Variants in MACF1 observed in about 807,000 individuals in gnomAD.
The protein encoded by MACF1 is microtubule actin crosslinking factor 1, also known as microtubule-actin cross-linking factor 1.
Under a neutral mutation model 854.8 loss-of-function variants are expected in MACF1, and 193 were observed. That is an observed-to-expected ratio of 0.23 (90% CI 0.20 to 0.25). MACF1 has a LOEUF of 0.25. Among genes scored for constraint, MACF1 ranks in the 10% least tolerant of loss-of-function variants. The pLI is 1.00. For synonymous variants in MACF1, 3,185 were observed against 3,226.7 expected (o/e 0.99, Z 0.44); for missense variants, 7,722 against 8,929.1 (o/e 0.86, Z 5.45).
In MACF1 at chr1:39,434,482, C is replaced by T. The variant is rs2148656104; in HGVS notation, c.17634C>T (p.Arg5878=). The part of the protein sequence containing the change: ...ISLLNSERYA[R]LERAQVLVNQ... ...TACTCAATTCAGAGCGTTATGCCCG[C>T]CTAGAGCGGGCCCAGGTCTTAGTAA... The change falls in exon 69 of 101, where the codon CGC becomes CGT. Residue 5878 remains arginine (R), a synonymous_variant. Coordinates refer to ENST00000564288, the MANE Select transcript of MACF1 (RefSeq NM_001394062.1). 1 of 1,613,424 alleles carries T rather than the reference C, an allele frequency of 6.2e-7. No homozygotes were observed. The highest frequency in any genetic ancestry group is 1.1e-5 in the South Asian group (1 of 91,062).
intron 2 of MACF1, among the ~76,000 whole-genome samples, chr1:39,135,421 A>AT (rs1219867126): frequency 3.3e-5 from 5 of 151,626 alleles, no homozygotes; most frequent in Non-Finnish European, 7.4e-5. Flanking sequence ...TAATTTTTGT[A>AT]TTTTTTTAGT....
rs1442353730 is a variant in MACF1, at chr1:39,350,915, A to G, written c.11096A>G (p.His3699Arg). ...RELTALREKL[H>R]QAKEQYEALQ... The stretch of plus-strand genomic sequence containing the variant: ...TTGACAGCTCTTCGGGAAAAGCTTC[A>G]TCAGGCTAAGGAGCAATATGAGGCG... The change falls in exon 43 of 101, where the codon CAT becomes CGT. Residue 3699 changes from histidine to arginine, a missense_variant. Around this residue, in one of 15 missense-constraint regions of MACF1, gnomAD observed 2,807 missense variants for 3,235.8 expected, o/e 0.87. Transcript: ENST00000564288. The G allele has an allele frequency of 1.2e-6, 2 of 1,614,168 alleles. No homozygotes were observed. The highest frequency in any genetic ancestry group is 1.7e-6 in the Non-Finnish European group (2 of 1,180,000).
intron 6 of MACF1, among the ~76,000 whole-genome samples, chr1:39,270,712 T>C (rs1230918135): frequency 6.6e-6 from 1 of 152,170 alleles, no homozygotes; most frequent in Non-Finnish European, 1.5e-5. Flanking sequence ...GCAAAATTTA[T>C]AAAATGAGGT....
In MACF1 at chr1:39,442,719, A is replaced by G. The variant is rs1644145473; in HGVS notation, c.19110A>G (p.Leu6370=). 1.2e-6 allele frequency: 2 copies of G among 1,613,690 alleles called. No homozygotes were observed. The highest frequency in any genetic ancestry group is 1.7e-6 in the Non-Finnish European group (2 of 1,179,988). ...IEVELAKHHV[L]KNDVLAHQAT... ...TGTTGTTCAACATGTTTTAGGTCCT[A>G]AAAAATGATGTTTTGGCTCATCAAG... Residue 6370 remains leucine, a synonymous_variant, in exon 78 of 101, where the codon CTA becomes CTG. Transcript: ENST00000564288.
intron 84 of MACF1, among the ~76,000 whole-genome samples, chr1:39,450,569 T>TA (rs1169426725): frequency 7.3e-5 from 11 of 151,642 alleles, no homozygotes; most frequent in Non-Finnish European, 1.5e-4. Flanking sequence ...TGGTTTGATT[T>TA]AAAATGTCTC....
At chr1:39,429,374 A>G (rs918017858) in intron 64 of MACF1, 48 bp downstream of exon 64, 1 of 1,050,252 alleles carries the variant, frequency 9.5e-7, no homozygotes, top group Non-Finnish European at 1.5e-6. Flanking sequence ...CTCAAAGACA[A>G]TTATGTACCC....
chr1:39,190,398 TTTG>T (rs1644238789), intron 2 of MACF1, among the ~76,000 whole-genome samples: 1 of 122,114 alleles, frequency 8.2e-6, no homozygotes, highest in Non-Finnish European at 1.7e-5. Flanking sequence ...TGTGTTTGTT[TTTG>T]TTTTTTTTTT....
intron 2 of MACF1, among the ~76,000 whole-genome samples, chr1:39,177,261 G>A (rs977902128): frequency 1.3e-5 from 2 of 152,134 alleles, no homozygotes; most frequent in African/African-American, 4.8e-5. Context: ...TCAGCCTCCT[G>A]AGTAGCATGT....
At chr1:39,462,388 A>G (rs1186949275) in intron 93 of MACF1, among the ~76,000 whole-genome samples, 1 of 152,094 alleles carries the variant, frequency 6.6e-6, no homozygotes, top group Non-Finnish European at 1.5e-5. Flanking sequence ...ATCTAGGGAA[A>G]TGGTCTACCA....
At position 39,429,260 on chromosome 1, in the gene MACF1, G is replaced by A; in HGVS notation, c.16822G>A (p.Val5608Ile). 1.3e-6 allele frequency: 2 copies of A among 1,552,624 alleles called. No homozygotes were observed. Among genetic ancestry groups the A allele is most frequent in the Non-Finnish European group, 8.9e-7 (1 of 1,125,482 alleles). ...CTTTCAGGCTTTAAATGAAGAAATT[G>A]TTAATAGAAAGAAGAATGTAGATCA... ...ADHLALNEEI[V>I]NRKKNVDQAI... The change falls in exon 64 of 101, where the codon GTT becomes ATT. Residue 5608 changes from valine (V) to isoleucine (I), a missense_variant. Transcript: ENST00000564288.
chr1:39,266,207 T>C (rs2148352523), intron 6 of MACF1, among the ~76,000 whole-genome samples: 1 of 152,322 alleles, frequency 6.6e-6, no homozygotes, highest in Admixed American at 6.5e-5. Flanking sequence ...TCTAAGTTTA[T>C]TAGTTTCAGG....
Position 39,231,229 on chromosome 1 carries a change from A to G in MACF1, c.157A>G (p.Lys53Glu), listed in dbSNP as rs1644773664. 1 of 1,614,062 alleles carries G rather than the reference A, an allele frequency of 6.2e-7. No homozygotes were observed. Among genetic ancestry groups the G allele is most frequent in the Non-Finnish European group, 8.5e-7 (1 of 1,180,010 alleles). ...GAAAACGTTCACCAAGTGGGTCAACAAGCACTTAATGAAGGTAGGACCCTT... is the reference window on the plus strand; with the variant it reads ...GAAAACGTTCACCAAGTGGGTCAACGAGCACTTAATGAAGGTAGGACCCTT... The part of the protein sequence containing the change: ...QKKTFTKWVN[K>E]HLMKVRKHIN... The change falls in exon 2 of 101, where the codon AAG becomes GAG. Residue 53 changes from lysine to glutamate, a missense_variant. Coordinates refer to ENST00000564288, the MANE Select transcript of MACF1 (RefSeq NM_001394062.1).
chr1:39,387,142 C>T, intron 57 of MACF1, 45 bp from the exon 58 acceptor site: 2 of 1,580,254 alleles, frequency 1.3e-6, no homozygotes, highest in Non-Finnish European at 1.7e-6. Context: ...TTTTAAATGC[C>T]AGGGTTCAGG....
At chr1:39,282,063 G>A (rs754356593) in intron 6 of MACF1, 145 bp from the exon 7 acceptor site, 14 of 606,188 alleles carry the variant, frequency 2.3e-5, no homozygotes, top group Non-Finnish European at 3.9e-5. Context: ...ACTAGCAAGA[G>A]GGGGAATATA....
At chr1:39,202,543 G>A (rs1432726629), upstream of MACF1, among the ~76,000 whole-genome samples, 6 of 151,704 alleles carry the variant, frequency 4.0e-5, no homozygotes, top group Admixed American at 3.9e-4. Flanking sequence ...GCTGAGGCAG[G>A]AGAATCGCTT....
At chr1:39,235,897 G>A (rs1464192398) in intron 2 of MACF1, among the ~76,000 whole-genome samples, 1 of 152,110 alleles carries the variant, frequency 6.6e-6, no homozygotes, top group African/African-American at 2.4e-5. Flanking sequence ...ACTGTGCCTG[G>A]CTAATTTTTG....
chr1:39,454,438 C>T (rs1283925428), intron 88 of MACF1, among the ~76,000 whole-genome samples: 3 of 152,186 alleles, frequency 2.0e-5, no homozygotes, highest in Non-Finnish European at 4.4e-5. Context: ...TTTATTCCAG[C>T]TCTTATCCCA....
Position 39,468,675 on chromosome 1 carries a change from G to A in MACF1, c.21832G>A (p.Val7278Ile), listed in dbSNP as rs533865893. The A allele has an allele frequency of 1.2e-6, 2 of 1,614,204 alleles. No individual in the cohort carries two copies. Among genetic ancestry groups the A allele is most frequent in the East Asian group, 2.2e-5 (1 of 44,886 alleles). The change falls in exon 96 of 101, where the codon GTT becomes ATT. Residue 7278 changes from valine (V) to isoleucine (I), a missense_variant. Coordinates refer to ENST00000564288, the MANE Select transcript of MACF1 (RefSeq NM_001394062.1). The stretch of plus-strand genomic sequence containing the variant: ...TCTGCGCAGCACCGTGATGGTTCGC[G>A]TTGGTGGAGGATGGATGGCCTTGGA... ...RILRSTVMVR[V>I]GGGWMALDEF...
chr1:39,361,035 GTA>G, intron 48 of MACF1, 34 bp downstream of exon 48: 1 of 1,562,138 alleles, frequency 6.4e-7, no homozygotes, highest in South Asian at 1.1e-5. Flanking sequence ...AGCATAGAGG[GTA>G]TGTTTGCTAT....
Sources: allele counts gnomAD v4.1 joint callset (sites outside exome capture counted in the v4.1 genomes callset), GRCh38; gene constraint gnomAD v4.1.1; regional missense constraint gnomAD v4.1.1; transcripts MANE v1.5; gene names NCBI Gene and HGNC (gene_info 2026-07-23, HGNC 2026-07-21).